The following ITPRID1 variants were observed in gnomAD, a reference collection of about 807,000 sequenced individuals.
The protein encoded by ITPRID1 is protein ITPRID1.
Under a neutral mutation model 95.4 loss-of-function variants are expected in ITPRID1, and 96 were observed. That is an observed-to-expected ratio of 1.01 (90% CI 0.85 to 1.19). ITPRID1 has a LOEUF of 1.19. Among genes scored for constraint, ITPRID1 ranks in the 50% most tolerant of loss-of-function variants. The probability of loss-of-function intolerance (pLI) is 0.00; values close to 1 mark genes in which losing one functional copy is unlikely to be tolerated. For synonymous variants in ITPRID1, 510 were observed against 453.6 expected (o/e 1.12, Z -1.58); for missense variants, 1,339 against 1,252.9 (o/e 1.07, Z -1.04).
rs138035443 is a variant in ITPRID1 at position 31,651,767 on chromosome 7, G to GT, written c.2712-160dup. Among the ~76,000 whole-genome samples the GT allele has an allele frequency of 6.6e-3, 968 of 147,764 alleles. 6 individuals are homozygous for GT. The highest frequency in any genetic ancestry group is 0.033 in the East Asian group (166 of 5,056). On this transcript the variant is annotated intron_variant, in intron 13 of 14. Coordinates refer to ENST00000615280, the MANE Select transcript of ITPRID1 (RefSeq NM_001257967.3). ...AACTATATTATACTGCAATAAAGTTGTTTTTTTTTTTTAAAGAAGACAACC... is the reference window on the plus strand; with the variant it reads ...AACTATATTATACTGCAATAAAGTTGTTTTTTTTTTTTTAAAGAAGACAACC...
At chr7:31,627,680 A>AAAAAG (rs1788600641) in intron 10 of ITPRID1, among the ~76,000 whole-genome samples, 1 of 150,894 alleles carries the variant, frequency 6.6e-6, no homozygotes, top group Admixed American at 6.6e-5. Context: ...AAAAAAAAAA[A>AAAAAG]AAATTCAGTA....
intron 10 of ITPRID1, among the ~76,000 whole-genome samples, chr7:31,620,694 G>C (rs1787781933): frequency 6.6e-6 from 1 of 151,848 alleles, no homozygotes; most frequent in African/African-American, 2.4e-5. Context: ...ACTCTAAAAA[G>C]CAGAGCACCT....
At chr7:31,519,833 C>T (rs1783186308) in intron 1 of ITPRID1, among the ~76,000 whole-genome samples, 1 of 151,326 alleles carries the variant, frequency 6.6e-6, no homozygotes, top group Admixed American at 6.6e-5. Flanking sequence ...GATCTCTCTA[C>T]CCACTTTCTC....
chr7:31,595,160 T>C (rs1229114229), intron 10 of ITPRID1, among the ~76,000 whole-genome samples: 2 of 149,206 alleles, frequency 1.3e-5, no homozygotes, highest in Non-Finnish European at 3.0e-5. Flanking sequence ...TTCTCCTGCC[T>C]CAGCCTCCCG....
chr7:31,580,772 G>A (rs1227912166), intron 9 of ITPRID1, among the ~76,000 whole-genome samples: 1 of 152,076 alleles, frequency 6.6e-6, no homozygotes, highest in East Asian at 1.9e-4. Context: ...TTTAATCTAA[G>A]GATGACTTTC....
At chr7:31,630,297 A>G (rs1028599884) in intron 10 of ITPRID1, among the ~76,000 whole-genome samples, 1 of 151,872 alleles carries the variant, frequency 6.6e-6, no homozygotes, top group Non-Finnish European at 1.5e-5. Context: ...ATACTACCAA[A>G]TATTGAGTGC....
At position 31,554,524 on chromosome 7, in the gene ITPRID1, G is replaced by C. The variant is rs78453087; in HGVS notation, c.212+1G>C. The C allele has an allele frequency of 4.3e-6, 7 of 1,612,306 alleles. No individual in the cohort carries two copies. Among genetic ancestry groups the C allele is most frequent in the African/African-American group, 4.0e-5 (3 of 74,874 alleles). On this transcript the variant is annotated splice_donor_variant, in intron 4 of 14. Coordinates refer to ENST00000615280, the MANE Select transcript of ITPRID1 (RefSeq NM_001257967.3). LOFTEE classifies it high-confidence loss of function. Reference sequence around the variant, plus strand: ...AGCAGTGGCTGGACTCTGGATTCTTGTAAGTGTTTTTGTGTGTGTGTGCCT... The same window carrying C: ...AGCAGTGGCTGGACTCTGGATTCTTCTAAGTGTTTTTGTGTGTGTGTGCCT...
chr7:31,625,925 G>A (rs1470871217), intron 10 of ITPRID1, among the ~76,000 whole-genome samples: 1 of 152,046 alleles, frequency 6.6e-6, no homozygotes, highest in Non-Finnish European at 1.5e-5. Flanking sequence ...TACACCTAAT[G>A]TTAGTAAGAA....
chr7:31,652,044 T>C lies in ITPRID1; in HGVS notation c.2817T>C (p.Ile939=), dbSNP rs567671974. 1 of 1,593,184 alleles carries C rather than the reference T, an allele frequency of 6.3e-7. No homozygotes were observed. Among genetic ancestry groups the C allele is most frequent in the South Asian group, 1.1e-5 (1 of 87,386 alleles). ...GGGCTCAGCAAATCAGAGAAGGGAT[T>C]TTACTGGTATGGGTGATGGGGTGTG... ...GDRAQQIREG[I]LLQLEVLTAE... is the part of the protein sequence containing the mutation. The change falls in exon 14 of 15, where the codon ATT becomes ATC. Residue 939 remains isoleucine, a synonymous_variant. Transcript: ENST00000615280.
intron 10 of ITPRID1, among the ~76,000 whole-genome samples, chr7:31,628,751 C>T (rs1190915233): frequency 6.6e-6 from 1 of 152,122 alleles, no homozygotes; most frequent in African/African-American, 2.4e-5. Context: ...CCACCGCGCC[C>T]GGCCTGAGCG....
At chr7:31,572,289 G>A in intron 7 of ITPRID1, 101 bp downstream of exon 7, 1 of 682,680 alleles carries the variant, frequency 1.5e-6, no homozygotes. Context: ...ATGGATGAGA[G>A]AATGAATAAA....
chr7:31,625,937 G>C (rs1461743893), intron 10 of ITPRID1, among the ~76,000 whole-genome samples: 1 of 151,840 alleles, frequency 6.6e-6, no homozygotes, highest in Non-Finnish European at 1.5e-5. Flanking sequence ...TAGTAAGAAG[G>C]GTTTTTATTT....
chr7:31,581,514 A>G (rs1212057145), intron 9 of ITPRID1, among the ~76,000 whole-genome samples: 1 of 152,208 alleles, frequency 6.6e-6, no homozygotes, highest in East Asian at 1.9e-4. Context: ...TCCTGTTTGC[A>G]TATAAGCATC....
chr7:31,615,005 G>T (rs1213339698), intron 10 of ITPRID1, among the ~76,000 whole-genome samples: 1 of 152,102 alleles, frequency 6.6e-6, no homozygotes, highest in Non-Finnish European at 1.5e-5. Flanking sequence ...TAAGCTATAG[G>T]CTGAAGCCTT....
chr7:31,641,079 T>C (rs2128207999), intron 10 of ITPRID1, among the ~76,000 whole-genome samples: 1 of 152,268 alleles, frequency 6.6e-6, no homozygotes. Context: ...CTCAGACACA[T>C]GGACCGTTAA....
intron 1 of ITPRID1, among the ~76,000 whole-genome samples, chr7:31,535,492 GTA>G (rs1383474940): frequency 2.0e-5 from 3 of 151,798 alleles, no homozygotes; most frequent in African/African-American, 7.3e-5. Context: ...ATATATATTT[GTA>G]TATATGTGTG....
At chr7:31,609,067 T>A (rs1038339634) in intron 10 of ITPRID1, among the ~76,000 whole-genome samples, 2 of 151,754 alleles carry the variant, frequency 1.3e-5, no homozygotes, top group Non-Finnish European at 1.5e-5. Flanking sequence ...TTTTTTGGCA[T>A]CAATTGAGGC....
At chr7:31,528,807 T>C (rs908740888) in intron 1 of ITPRID1, among the ~76,000 whole-genome samples, 1 of 152,164 alleles carries the variant, frequency 6.6e-6, no homozygotes, top group African/African-American at 2.4e-5. Flanking sequence ...ATATTGGGGT[T>C]CCTCTGTGTT....
In ITPRID1 at chr7:31,643,307, A is replaced by G; in HGVS notation, c.1937A>G (p.His646Arg). 1.9e-6 allele frequency: 3 copies of G among 1,613,928 alleles called. No homozygotes were observed. The highest frequency in any genetic ancestry group is 2.5e-6 in the Non-Finnish European group (3 of 1,179,884). Residue 646 changes from histidine to arginine, a missense_variant, in exon 12 of 15, where the codon CAC (histidine) becomes CGC (arginine). Transcript: ENST00000615280. ...AGCTCATCACAGTGTATCCCCAAGC[A>G]CAGTGAAATCACACCTTATGCAACT... Reference protein sequence around the residue: ...PESSSQCIPKHSEITPYATDL... With the variant: ...PESSSQCIPKRSEITPYATDL...
Sources: allele counts gnomAD v4.1 joint callset (sites outside exome capture counted in the v4.1 genomes callset), GRCh38; gene constraint gnomAD v4.1.1; transcripts MANE v1.5; gene names NCBI Gene and HGNC (gene_info 2026-07-23, HGNC 2026-07-21).